Variants in HNF1B observed in about 807,000 individuals in gnomAD.
HNF1B encodes the protein hepatocyte nuclear factor 1-beta.
In HNF1B, 8 loss-of-function variants were observed where a neutral mutation model predicts 61.7. The ratio of observed to expected loss-of-function variants is 0.13; its 90% CI spans 0.08 to 0.23. The LOEUF (loss-of-function observed/expected upper bound fraction) is 0.23. HNF1B is among the 10% of genes least tolerant of loss of function. HNF1B has a pLI of 1.00. For missense variants in HNF1B, 562 were observed against 714.5 expected (o/e 0.79, Z 2.43); for synonymous variants, 314 against 287.7 (o/e 1.09, Z -0.93).
chr17:37,699,320 G>A (rs1179629648), intron 7 of HNF1B, 126 bp from the exon 8 acceptor site: 4 of 775,308 alleles, frequency 5.2e-6, no homozygotes, highest in Non-Finnish European at 9.4e-6. Context: ...GTTATAGTGG[G>A]GATTTCTCAT....
At chr17:37,719,880 G>C (rs2033250483) in intron 4 of HNF1B, among the ~76,000 whole-genome samples, 1 of 152,250 alleles carries the variant, frequency 6.6e-6, no homozygotes, top group Non-Finnish European at 1.5e-5. Flanking sequence ...GATCCTTTGA[G>C]GTCTGGCAAG....
intron 1 of HNF1B, among the ~76,000 whole-genome samples, chr17:37,739,967 TTTA>T (rs2033946354): frequency 1.3e-5 from 2 of 150,408 alleles, no homozygotes; most frequent in South Asian, 4.2e-4. Context: ...AATTAATTTA[TTTA>T]TTATTATTTT....
intron 5 of HNF1B, among the ~76,000 whole-genome samples, chr17:37,709,443 T>C (rs2032861186): frequency 1.3e-5 from 2 of 151,820 alleles, no homozygotes; most frequent in African/African-American, 4.8e-5. Context: ...TTAATAGAGA[T>C]GGTGTTTCGC....
chr17:37,727,643 C>T (rs949802911), intron 4 of HNF1B, among the ~76,000 whole-genome samples: 3 of 152,184 alleles, frequency 2.0e-5, no homozygotes, highest in East Asian at 3.8e-4. Context: ...ACCAATCAGC[C>T]GCTGACAGAG....
intron 8 of HNF1B, among the ~76,000 whole-genome samples, 172 bp from the exon 9 acceptor site, chr17:37,687,564 C>A (rs1196224018): frequency 6.6e-6 from 1 of 152,152 alleles, no homozygotes; most frequent in East Asian, 1.9e-4. Flanking sequence ...CTGAGGCACA[C>A]TTCCTGCAGG....
Position 37,686,799 on chromosome 17 carries a change from T to C in HNF1B, c.*573A>G, listed in dbSNP as rs780907111. 6 of 183,684 alleles carry C rather than the reference T, an allele frequency of 3.3e-5. No homozygotes were observed. Among genetic ancestry groups the C allele is most frequent in the Non-Finnish European group, 7.0e-5 (6 of 85,642 alleles). 11.4% of individuals were successfully genotyped at this position (183,684 alleles called of 1,614,324 possible). A position where few individuals can be genotyped will look rare whatever the true frequency, so the allele number is the denominator to read the frequency against. On this transcript the variant is annotated 3_prime_UTR_variant, in exon 9 of 9. Coordinates refer to ENST00000617811, the MANE Select transcript of HNF1B (RefSeq NM_000458.4). ...CTCTGACCTTTACAAAGAAAACTAA[T>C]AGACACTTTAGTATTATATACAGGG...
chr17:37,694,922 TAA>T (rs1378757480), intron 8 of HNF1B, among the ~76,000 whole-genome samples: 1 of 152,218 alleles, frequency 6.6e-6, no homozygotes, highest in Non-Finnish European at 1.5e-5. Flanking sequence ...AAGCAGAGCG[TAA>T]AAGTTTGGAA....
At chr17:37,715,129 G>A (rs1163846428) in intron 4 of HNF1B, among the ~76,000 whole-genome samples, 2 of 152,124 alleles carry the variant, frequency 1.3e-5, no homozygotes, top group Non-Finnish European at 2.9e-5. Context: ...CATCCTGGGA[G>A]ATGGCTGCTC....
intron 5 of HNF1B, among the ~76,000 whole-genome samples, chr17:37,707,701 T>A (rs1162423678): frequency 6.6e-6 from 1 of 152,104 alleles, no homozygotes; most frequent in Non-Finnish European, 1.5e-5. Flanking sequence ...AGCCTGAGCT[T>A]TTCACCATTA....
chr17:37,728,638 A>T (rs1325981559), intron 4 of HNF1B: 3 of 134,148 alleles, frequency 2.2e-5, no homozygotes, highest in Non-Finnish European at 3.1e-5. Context: ...TATTCTGCAC[A>T]CAGTTACGTT....
At chr17:37,717,337 A>G (rs1053793267) in intron 4 of HNF1B, among the ~76,000 whole-genome samples, 1 of 152,162 alleles carries the variant, frequency 6.6e-6, no homozygotes. Flanking sequence ...CAGAGTAAAC[A>G]TTACTCAACT....
intron 7 of HNF1B, among the ~76,000 whole-genome samples, chr17:37,699,641 C>G (rs2032499385): frequency 6.6e-6 from 1 of 152,180 alleles, no homozygotes; most frequent in African/African-American, 2.4e-5. Flanking sequence ...CAGGCCTCGC[C>G]ACTGAGGAAG....
intron 4 of HNF1B, among the ~76,000 whole-genome samples, chr17:37,727,149 A>C (rs2033526459): frequency 6.6e-6 from 1 of 152,196 alleles, no homozygotes; most frequent in Admixed American, 6.5e-5. Context: ...ACCAGGCTCC[A>C]ACCAGTCCTT....
chr17:37,690,755 G>A (rs143267171), intron 8 of HNF1B, among the ~76,000 whole-genome samples: 101 of 152,326 alleles, frequency 6.6e-4, no homozygotes, highest in African/African-American at 2.3e-3. Flanking sequence ...AGGGCAAAAT[G>A]AAGAGTTCCT....
At chr17:37,711,509 G>A (rs1054210641) in intron 4 of HNF1B, among the ~76,000 whole-genome samples, 1 of 152,184 alleles carries the variant, frequency 6.6e-6, no homozygotes, top group Non-Finnish European at 1.5e-5. Flanking sequence ...CAAAATGGAG[G>A]TCTGCTCTCA....
intron 4 of HNF1B, chr17:37,729,434 CA>C (rs5820234): frequency 0.26 from 17,904 of 68,722 alleles, 956 homozygotes; most frequent in African/African-American, 0.32. Flanking sequence ...CCCTGTCTCT[CA>C]AAAAAAAAAA....
chr17:37,724,652 G>C (rs114226220), intron 4 of HNF1B, among the ~76,000 whole-genome samples: 246 of 152,300 alleles, frequency 1.6e-3, no homozygotes, highest in African/African-American at 5.7e-3. Flanking sequence ...TTGACTGGAA[G>C]ACAGTGATGT....
At chr17:37,739,399 G>A (rs778830416) in intron 2 of HNF1B, 41 bp downstream of exon 2, 7 of 1,588,868 alleles carry the variant, frequency 4.4e-6, no homozygotes, top group African/African-American at 4.0e-5. Flanking sequence ...GAGGGCAAAG[G>A]TCACTTCAGG....
chr17:37,729,870 A>T (rs555309940), intron 4 of HNF1B: 9 of 139,452 alleles, frequency 6.5e-5, no homozygotes, highest in African/African-American at 2.6e-4. Flanking sequence ...ATTTTTAGAA[A>T]GATCCAGACT....
Sources: allele counts gnomAD v4.1 joint callset (sites outside exome capture counted in the v4.1 genomes callset), GRCh38; gene constraint gnomAD v4.1.1; transcripts MANE v1.5; gene names NCBI Gene and HGNC (gene_info 2026-07-23, HGNC 2026-07-21).